The following BBOX1 variants were observed in gnomAD, a reference collection of about 807,000 sequenced individuals.
The protein encoded by BBOX1 is gamma-butyrobetaine dioxygenase.
Under a neutral mutation model 41.6 loss-of-function variants are expected in BBOX1, and 35 were observed. That is an observed-to-expected ratio of 0.84 (90% CI 0.64 to 1.11). The LOEUF is 1.11. Among genes scored for constraint, BBOX1 ranks in the 50% most tolerant of loss-of-function variants. The pLI is 0.00. For synonymous variants in BBOX1, 163 were observed against 154.7 expected, an observed-to-expected ratio of 1.05 and a Z score of -0.40; for missense variants, 458 against 460.6, an observed-to-expected ratio of 0.99 and a Z score of 0.05.
chr11:27,057,419 A>AAT, intron 4 of BBOX1, 104 bp downstream of exon 4: 1 of 846,324 alleles, frequency 1.2e-6, no homozygotes, highest in Admixed American at 2.9e-5. Context: ...CTTTGATTAA[A>AAT]ATATGTGACA....
intron 4 of BBOX1, among the ~76,000 whole-genome samples, chr11:27,075,226 ACT>A (rs1308619714): frequency 6.6e-6 from 1 of 151,506 alleles, no homozygotes; most frequent in African/African-American, 2.4e-5. Context: ...AGGGGTGAAG[ACT>A]CTGTAAGAGT....
At chr11:27,107,589 T>G (rs939073897) in intron 5 of BBOX1, among the ~76,000 whole-genome samples, 2 of 151,972 alleles carry the variant, frequency 1.3e-5, no homozygotes, top group African/African-American at 2.4e-5. Context: ...GTAATCTGCT[T>G]GAGTTGTTGC....
chr11:27,109,287 T>G (rs563120355), intron 5 of BBOX1, among the ~76,000 whole-genome samples: 2 of 152,254 alleles, frequency 1.3e-5, no homozygotes, highest in South Asian at 4.1e-4. Context: ...GGGCATCTCC[T>G]GTGTGTCAGA....
intron 2 of BBOX1, among the ~76,000 whole-genome samples, chr11:27,042,037 G>A (rs770441557): frequency 2.0e-5 from 3 of 152,250 alleles, no homozygotes; most frequent in South Asian, 4.1e-4. Context: ...TTCCCTTAAC[G>A]AAGCTCAAGA....
In BBOX1 at chr11:27,093,281, G is replaced by A. The variant is rs752691189; in HGVS notation, c.448G>A (p.Val150Ile). Reference protein sequence around the residue: ...WLSTLKKVGIVRLTGASDKPG... With the variant: ...WLSTLKKVGIIRLTGASDKPG... ...CTCCACCCTCAAGAAAGTAGGCATA[G>A]TAAGACTCACCGGAGCATCTGACAA... The change falls in exon 5 of 9, where the codon GTA becomes ATA. Residue 150 changes from valine to isoleucine, a missense_variant. Physicochemically the swap from Val to Ile is conservative, Grantham distance 29. Coordinates refer to ENST00000263182, the MANE Select transcript of BBOX1 (RefSeq NM_003986.3). The A allele has an allele frequency of 6.2e-7, 1 of 1,612,606 alleles. No individual in the cohort carries two copies. Among genetic ancestry groups the A allele is most frequent in the Non-Finnish European group, 8.5e-7 (1 of 1,179,070 alleles).
At chr11:27,063,484 T>C (rs1163565435) in intron 4 of BBOX1, among the ~76,000 whole-genome samples, 1 of 152,106 alleles carries the variant, frequency 6.6e-6, no homozygotes, top group Non-Finnish European at 1.5e-5. Flanking sequence ...AGATGCTTGA[T>C]TATCTCTCTG....
At chr11:27,086,510 C>T (rs568051696) in intron 4 of BBOX1, among the ~76,000 whole-genome samples, 1 of 152,232 alleles carries the variant, frequency 6.6e-6, no homozygotes, top group South Asian at 2.1e-4. Context: ...TGTTGAGACT[C>T]ACTGCTCAGA....
intron 4 of BBOX1, among the ~76,000 whole-genome samples, chr11:27,071,280 G>A (rs527575679): frequency 5.3e-5 from 8 of 152,064 alleles, no homozygotes. Context: ...TACTAGGGAG[G>A]CTGAGGCAGG....
At position 27,054,660 on chromosome 11, in the gene BBOX1, AG is replaced by A. The variant is rs1184939861; in HGVS notation, c.-38-732del. On this transcript the variant is annotated intron_variant, in intron 2 of 8. Coordinates refer to ENST00000263182, the MANE Select transcript of BBOX1 (RefSeq NM_003986.3). ...CCCAAGTAATATGAAGGTATACACA[AG>A]TACTCCAAAAAGGTTCAGAATAAAG... is the stretch of plus-strand genomic sequence containing the variant. Among the ~76,000 whole-genome samples, 3 of 152,300 alleles carry A rather than the reference AG, an allele frequency of 2.0e-5. No homozygotes were observed. The East Asian group carries it at 5.8e-4, about 29-fold the overall frequency.
chr11:27,063,412 GTATGATA>G (rs1272090275), intron 4 of BBOX1, among the ~76,000 whole-genome samples: 9 of 151,906 alleles, frequency 5.9e-5, no homozygotes, highest in African/African-American at 2.2e-4. Flanking sequence ...TCACTATATA[GTATGATA>G]TACATATGAA....
intron 2 of BBOX1, among the ~76,000 whole-genome samples, chr11:27,054,447 A>G (rs1165827234): frequency 6.6e-6 from 1 of 152,188 alleles, no homozygotes; most frequent in Non-Finnish European, 1.5e-5. Flanking sequence ...TAACATATGA[A>G]GAAAGTAAAA....
chr11:27,090,731 C>T (rs1392830309), intron 4 of BBOX1, among the ~76,000 whole-genome samples: 1 of 151,870 alleles, frequency 6.6e-6, no homozygotes, highest in Non-Finnish European at 1.5e-5. Context: ...GAGGGTACTT[C>T]AGGAGACCAG....
intron 4 of BBOX1, among the ~76,000 whole-genome samples, chr11:27,076,730 C>A (rs1857644195): frequency 6.6e-6 from 1 of 152,164 alleles, no homozygotes; most frequent in Non-Finnish European, 1.5e-5. Context: ...TGGCTCTCCA[C>A]ATGCAGGGCA....
chr11:27,119,713 T>G lies in BBOX1; in HGVS notation c.704T>G (p.Phe235Cys). Reference sequence around the variant, plus strand: ...GGTGATTCAGAAATTGTAGATGGGTTTAATGTGTGCCAAAAACTAAAGAAA... The same window carrying G: ...GGTGATTCAGAAATTGTAGATGGGTGTAATGTGTGCCAAAAACTAAAGAAA... ...TGGDSEIVDG[F>C]NVCQKLKKNN... The change falls in exon 7 of 9, where the codon TTT becomes TGT. Residue 235 changes from phenylalanine (F) to cysteine (C), a missense_variant. Coordinates refer to ENST00000263182, the MANE Select transcript of BBOX1 (RefSeq NM_003986.3). 1 of 1,604,630 alleles carries G rather than the reference T, an allele frequency of 6.2e-7. No individual in the cohort carries two copies. Among genetic ancestry groups the G allele is most frequent in the Non-Finnish European group, 8.5e-7 (1 of 1,177,040 alleles).
intron 2 of BBOX1, among the ~76,000 whole-genome samples, chr11:27,054,523 C>T (rs10835108): frequency 2.0e-5 from 3 of 151,890 alleles, no homozygotes; most frequent in Non-Finnish European, 2.9e-5. Context: ...GGATCAACAC[C>T]GTTGCTCAAG....
intron 5 of BBOX1, among the ~76,000 whole-genome samples, chr11:27,104,218 C>A (rs903224079): frequency 6.6e-6 from 1 of 152,128 alleles, no homozygotes; most frequent in African/African-American, 2.4e-5. Flanking sequence ...CGAAGTTTAA[C>A]CGCCATTCTC....
At chr11:27,122,368 C>T (rs185145585) in intron 7 of BBOX1, among the ~76,000 whole-genome samples, 6 of 152,004 alleles carry the variant, frequency 3.9e-5, no homozygotes, top group African/African-American at 9.6e-5. Context: ...GTTAAAAAAA[C>T]GAAAACAAAA....
Position 27,057,205 on chromosome 11 carries a change from A to G in BBOX1, c.224A>G (p.Tyr75Cys). The G allele has an allele frequency of 6.3e-7, 1 of 1,597,030 alleles. No homozygotes were observed. The highest frequency in any genetic ancestry group is 8.5e-7 in the Non-Finnish European group (1 of 1,175,110). The change falls in exon 4 of 9, where the codon TAC becomes TGC. Residue 75 changes from tyrosine to cysteine, a missense_variant. Tyr to Cys is a radical substitution (Grantham distance 194). Coordinates refer to ENST00000263182, the MANE Select transcript of BBOX1 (RefSeq NM_003986.3). ...KGLIFDRKKV[Y>C]ITWPDEHYSE... ...ATTTGCTTTTTGTGTTATAAGGTGT[A>G]CATCACATGGCCCGATGAGCATTAC...
chr11:27,060,684 A>G (rs1340408995), intron 4 of BBOX1, among the ~76,000 whole-genome samples: 1 of 152,208 alleles, frequency 6.6e-6, no homozygotes, highest in East Asian at 1.9e-4. Context: ...AAATAGGTTC[A>G]CCATTTCTTC....
Sources: gnomAD v4.1 joint callset for allele counts (sites outside exome capture counted in the v4.1 genomes callset) on GRCh38, gnomAD v4.1.1 for gene constraint, MANE v1.5 for transcripts, NCBI Gene and HGNC (gene_info 2026-07-23, HGNC 2026-07-21) for gene names.